BARX2: variants seen among roughly 807,000 people sequenced by gnomAD.
BARX2 encodes homeobox protein BarH-like 2.
In BARX2, 11 loss-of-function variants were observed where a neutral mutation model predicts 25.5. The ratio of observed to expected loss-of-function variants is 0.43; its 90% CI spans 0.27 to 0.71. BARX2 has a LOEUF of 0.71. BARX2 is among the 30% of genes least tolerant of loss of function. The pLI, the probability that BARX2 is intolerant of heterozygous loss-of-function variation, is 0.19. For synonymous variants in BARX2, 137 were observed against 149.5 expected, an observed-to-expected ratio of 0.92 and a Z score of 0.61; for missense variants, 360 against 359.9, an observed-to-expected ratio of 1.00 and a Z score of 0.00.
At position 129,444,126 on chromosome 11, in the gene BARX2, T is replaced by G. The variant is rs143208243; in HGVS notation, c.573+1207T>G. On this transcript the variant is annotated intron_variant, in intron 3 of 3. Coordinates refer to ENST00000281437, the MANE Select transcript of BARX2 (RefSeq NM_003658.5). ...GTTTTCAGGAAAAAAAAAAAGTCAG[T>G]GGATAGATGTTTTCTCAATGTTGTG... Among the ~76,000 whole-genome samples the G allele has an allele frequency of 2.3e-4, 35 of 151,810 alleles. No individual in the cohort carries two copies. The East Asian group carries it at 6.4e-3, about 28-fold the overall frequency.
intron 1 of BARX2, among the ~76,000 whole-genome samples, chr11:129,400,349 T>C (rs1415514045): frequency 2.0e-5 from 3 of 152,156 alleles, no homozygotes; most frequent in Non-Finnish European, 4.4e-5. Flanking sequence ...GAAGTGGGAC[T>C]TAGCCCAGTC....
chr11:129,422,619 A>G (rs1862017114), intron 1 of BARX2, among the ~76,000 whole-genome samples: 1 of 150,482 alleles, frequency 6.6e-6, no homozygotes, highest in African/African-American at 2.4e-5. Context: ...CTTCTCGTGT[A>G]TTGTTTTATC....
chr11:129,409,803 C>A (rs1467780128), intron 1 of BARX2, among the ~76,000 whole-genome samples: 2 of 152,060 alleles, frequency 1.3e-5, no homozygotes, highest in African/African-American at 4.8e-5. Context: ...GTTAAGATGG[C>A]CAATTCATCT....
chr11:129,398,237 AT>A (rs1861742102), intron 1 of BARX2, among the ~76,000 whole-genome samples: 1 of 152,146 alleles, frequency 6.6e-6, no homozygotes, highest in South Asian at 2.1e-4. Flanking sequence ...TCTTCTCTTC[AT>A]CATTGCTGCC....
At position 129,376,220 on chromosome 11, in the gene BARX2, C is replaced by G; in HGVS notation, c.185C>G (p.Thr62Arg). The G allele has an allele frequency of 1.3e-6, 2 of 1,598,816 alleles. No homozygotes were observed. Among genetic ancestry groups the G allele is most frequent in the Non-Finnish European group, 1.7e-6 (2 of 1,172,710 alleles). The change falls in exon 1 of 4, where the codon ACG (threonine) becomes AGG (arginine). Residue 62 changes from threonine (T) to arginine (R), a missense_variant and splice_region_variant. By Grantham distance (71) the Thr-to-Arg change is moderately conservative (BLOSUM62 -1). Around this residue, in one of 3 missense-constraint regions of BARX2, gnomAD observed 240 missense variants for 228.7 expected, o/e 1.05. Coordinates refer to ENST00000281437, the MANE Select transcript of BARX2 (RefSeq NM_003658.5). The surrounding 1 kb of genome is among the most constrained non-coding windows in gnomAD (Gnocchi z 4.2). Reference sequence around the variant, plus strand: ...CGACCCAAGCCCCTGCATTCCTGTACGGGTAAGACGCTCCGCTAGGGGATA... The same window carrying G: ...CGACCCAAGCCCCTGCATTCCTGTAGGGGTAAGACGCTCCGCTAGGGGATA... The part of the protein sequence containing the change: ...VVRPKPLHSC[T>R]GSPSLRAYPL...
intron 1 of BARX2, among the ~76,000 whole-genome samples, chr11:129,416,351 G>A (rs894237712): frequency 3.0e-4 from 45 of 152,158 alleles, no homozygotes; most frequent in African/African-American, 1.1e-3. Flanking sequence ...CTACCAAAAT[G>A]TTAGTGTGTT....
At position 129,436,701 on chromosome 11, in the gene BARX2, C is replaced by T; in HGVS notation, c.188-50C>T. The T allele has an allele frequency of 6.6e-7, 1 of 1,517,134 alleles. No individual in the cohort carries two copies. 94.0% of individuals were successfully genotyped at this position (1,517,134 alleles called of 1,614,324 possible). On this transcript the variant is annotated intron_variant, in intron 1 of 3. Coordinates refer to ENST00000281437, the MANE Select transcript of BARX2 (RefSeq NM_003658.5). The surrounding 1 kb of genome is among the most constrained non-coding windows in gnomAD (Gnocchi z 4.5). ...GCGGCCCTCCGCAGGTCCTGGCCTG[C>T]TTCCCCACACCGTTCCCTGTGGTGA...
At chr11:129,408,518 T>C (rs1364798560) in intron 1 of BARX2, among the ~76,000 whole-genome samples, 1 of 152,236 alleles carries the variant, frequency 6.6e-6, no homozygotes, top group Admixed American at 6.5e-5. Flanking sequence ...GTCTCTTCAC[T>C]GTGCTTCATC....
At chr11:129,430,394 AG>A (rs1160339232) in intron 1 of BARX2, among the ~76,000 whole-genome samples, 2 of 152,214 alleles carry the variant, frequency 1.3e-5, no homozygotes, top group African/African-American at 4.8e-5. Flanking sequence ...ATATGTACAT[AG>A]GAACAATTCT....
At position 129,390,308 on chromosome 11, in the gene BARX2, G is replaced by A. The variant is rs997050181; in HGVS notation, c.187+14086G>A. ...GTGGATGTGTCATCACCACTGAGAC[G>A]GAGTGGCATGTATTTATGAAGAGTG... On this transcript the variant is annotated intron_variant, in intron 1 of 3. Coordinates refer to ENST00000281437, the MANE Select transcript of BARX2 (RefSeq NM_003658.5). The surrounding 1 kb of genome is among the most constrained non-coding windows in gnomAD (Gnocchi z 4.3). 1.1e-4 allele frequency among the ~76,000 whole-genome samples: 17 copies of A among 152,094 alleles called. No homozygotes were observed. Among genetic ancestry groups the A allele is most frequent in the African/African-American group, 3.6e-4 (15 of 41,396 alleles).
intron 3 of BARX2, among the ~76,000 whole-genome samples, chr11:129,445,554 C>A (rs190550679): frequency 9.8e-5 from 15 of 152,330 alleles, no homozygotes; most frequent in African/African-American, 3.4e-4. Flanking sequence ...AACCTCAGAA[C>A]ATTCTGCAAG....
chr11:129,430,966 A>G (rs530670868), intron 1 of BARX2, among the ~76,000 whole-genome samples: 19 of 152,252 alleles, frequency 1.2e-4, no homozygotes, highest in Middle Eastern at 3.4e-3. Flanking sequence ...GGTTCCAGCA[A>G]TTCTCATGCC....
At chr11:129,440,301 A>G (rs1862241722) in intron 2 of BARX2, among the ~76,000 whole-genome samples, 1 of 152,186 alleles carries the variant, frequency 6.6e-6, no homozygotes, top group Non-Finnish European at 1.5e-5. Flanking sequence ...GTGAGCTAAC[A>G]CTGTTTGCTA....
chr11:129,450,475 C>T lies in BARX2; in HGVS notation c.574-661C>T, dbSNP rs1862384081. Among the ~76,000 whole-genome samples, 3 of 152,160 alleles carry T rather than the reference C, an allele frequency of 2.0e-5. No individual in the cohort carries two copies. The South Asian group carries it at 6.2e-4, about 32-fold the overall frequency. On this transcript the variant is annotated intron_variant, in intron 3 of 3. Transcript: ENST00000281437. The stretch of plus-strand genomic sequence containing the variant: ...GAATAATATTTTCTGTGTTATTAAA[C>T]ATTCTCCTATATAGTAATTGTAATG...
Position 129,412,271 on chromosome 11 carries a change from C to CAAA in BARX2, c.188-24470_188-24468dup, listed in dbSNP as rs112111155. Reference sequence around the variant, plus strand: ...TGGGCTACAGGGCGAGAATCCATCTCAAAAAAAAAAAACAAACAAAAAAAG... The same window carrying CAAA: ...TGGGCTACAGGGCGAGAATCCATCTCAAAAAAAAAAAAAAACAAACAAAAAAAG... On this transcript the variant is annotated intron_variant, in intron 1 of 3. Transcript: ENST00000281437. Among the ~76,000 whole-genome samples the CAAA allele has an allele frequency of 2.6e-4, 30 of 116,296 alleles. No homozygotes were observed. The East Asian group carries it at 3.6e-3, about 14-fold the overall frequency. 76.3% of individuals were successfully genotyped at this position (116,296 alleles called of 152,430 possible). A position where few individuals can be genotyped will look rare whatever the true frequency, so the allele number is the denominator to read the frequency against.
chr11:129,388,016 A>G (rs1861631780), intron 1 of BARX2, among the ~76,000 whole-genome samples: 1 of 152,170 alleles, frequency 6.6e-6, no homozygotes, highest in South Asian at 2.1e-4. Flanking sequence ...CTTTCAATAT[A>G]GACTCCAGTA....
intron 1 of BARX2, among the ~76,000 whole-genome samples, chr11:129,392,766 G>A (rs1294222586): frequency 6.6e-6 from 1 of 151,862 alleles, no homozygotes; most frequent in African/African-American, 2.4e-5. Flanking sequence ...GCGTGCCACC[G>A]TGCCCAGCTA....
At chr11:129,388,099 G>GTC (rs1033372272) in intron 1 of BARX2, among the ~76,000 whole-genome samples, 3 of 151,504 alleles carry the variant, frequency 2.0e-5, no homozygotes, top group African/African-American at 7.3e-5. Context: ...CATACTGTGT[G>GTC]TGTGTGTGTG....
At chr11:129,440,173 AT>A (rs1451774397) in intron 2 of BARX2, among the ~76,000 whole-genome samples, 1 of 152,194 alleles carries the variant, frequency 6.6e-6, no homozygotes, top group East Asian at 1.9e-4. Context: ...AGGTGACCCC[AT>A]TTAAGCGAAT....
Sources: gnomAD v4.1 joint callset for allele counts (sites outside exome capture counted in the v4.1 genomes callset) on GRCh38, gnomAD v4.1.1 for gene constraint, gnomAD v4.1.1 regional missense constraint, Gnocchi (gnomAD v3.1) non-coding constraint, MANE v1.5 for transcripts, NCBI Gene and HGNC (gene_info 2026-07-23, HGNC 2026-07-21) for gene names.